Variants in KMT2C observed in about 807,000 individuals in gnomAD.
The protein encoded by KMT2C is histone-lysine N-methyltransferase 2C.
A neutral mutation model predicts 507.9 loss-of-function variants in KMT2C; 88 were observed. The ratio of observed to expected loss-of-function variants is 0.17; its 90% CI spans 0.15 to 0.21. The LOEUF (loss-of-function observed/expected upper bound fraction) is 0.21, where lower values mean the gene tolerates loss of function less well. Among genes scored for constraint, KMT2C ranks in the 10% least tolerant of loss-of-function variants. KMT2C has a pLI of 1.00. For synonymous variants in KMT2C, 2,049 were observed against 2,080.8 expected (o/e 0.98, Z 0.42); for missense variants, 4,954 against 5,957.8 (o/e 0.83, Z 5.55).
intron 6 of KMT2C, among the ~76,000 whole-genome samples, chr7:152,308,760 GAA>G (rs996192637): frequency 6.7e-5 from 10 of 150,010 alleles, no homozygotes; most frequent in Admixed American, 3.3e-4. Context: ...GCCAAGAAGA[GAA>G]GAGAGGATCC....
chr7:152,180,068 C>T lies in KMT2C; in HGVS notation c.7208G>A (p.Arg2403Gln), dbSNP rs761384148. 1.9e-6 allele frequency: 3 copies of T among 1,614,056 alleles called. No individual in the cohort carries two copies. Among genetic ancestry groups the T allele is most frequent in the Middle Eastern group, 1.6e-4 (1 of 6,082 alleles). ...QQQQQKKIAG[R>Q]QEKGSQDSPA... Reference sequence around the variant, plus strand: ...TGAGTCCTGTGACCCCTTCTCCTGTCGACCTGCAATCTTCTTCTGCTGTTG... The same window carrying T: ...TGAGTCCTGTGACCCCTTCTCCTGTTGACCTGCAATCTTCTTCTGCTGTTG... Residue 2403 changes from arginine to glutamine, a missense_variant, in exon 37 of 59, where the codon CGA (arginine) becomes CAA (glutamine). Arg to Gln is a conservative substitution (Grantham distance 43). Transcript: ENST00000262189.
At chr7:152,355,580 C>A (rs1028251717) in intron 2 of KMT2C, among the ~76,000 whole-genome samples, 28 of 150,898 alleles carry the variant, frequency 1.9e-4, no homozygotes, top group African/African-American at 2.4e-4. Context: ...CAAAAAAAAA[C>A]CAAGACAATG....
chr7:152,210,079 C>T (rs1053688556), intron 23 of KMT2C, among the ~76,000 whole-genome samples: 5 of 152,096 alleles, frequency 3.3e-5, no homozygotes, highest in Non-Finnish European at 7.4e-5. Flanking sequence ...AAAATATGGG[C>T]ATACTAAATG....
rs1034844448 is a variant in KMT2C, at chr7:152,210,817, G to C, written c.3713-3389C>G. On this transcript the variant is annotated intron_variant, in intron 23 of 58. Coordinates refer to ENST00000262189, the MANE Select transcript of KMT2C (RefSeq NM_170606.3). ...GATGCTACAAAAGAAACATTCAAAG[G>C]GAGGAAAGAAAGCTCTTGAAATAAC... Among the ~76,000 whole-genome samples the C allele has an allele frequency of 4.6e-5, 7 of 152,054 alleles. No homozygotes were observed. In the South Asian group the frequency reaches 1.0e-3, roughly 23 times the overall value.
rs746562454 is a variant in KMT2C, at chr7:152,163,074, G to C, written c.10503C>G (p.Phe3501Leu). The C allele has an allele frequency of 6.2e-7, 1 of 1,614,252 alleles. No individual in the cohort carries two copies. Among genetic ancestry groups the C allele is most frequent in the Non-Finnish European group, 8.5e-7 (1 of 1,180,038 alleles). ...CCTGCCTTCGCTCATTAGTCTGCAT[G>C]AAAGTTTGGGTGGAGGGTGAATTAA... is the stretch of plus-strand genomic sequence containing the variant. The part of the protein sequence containing the change: ...GSINSPSTQT[F>L]MQTNERRQVG... Residue 3501 changes from phenylalanine (F) to leucine (L), a missense_variant, in exon 43 of 59, where the codon TTC becomes TTG. Physicochemically the swap from Phe to Leu is conservative, Grantham distance 22. Around this residue, in one of 29 missense-constraint regions of KMT2C, gnomAD observed 801 missense variants for 751.2 expected, o/e 1.07. Transcript: ENST00000262189.
chr7:152,284,750 G>A (rs2096269325), intron 6 of KMT2C, among the ~76,000 whole-genome samples: 1 of 151,866 alleles, frequency 6.6e-6, no homozygotes, highest in Non-Finnish European at 1.5e-5. Context: ...AAAAATGGTA[G>A]AGACAAAATA....
At position 152,152,747 on chromosome 7, in the gene KMT2C, G is replaced by T. The variant is rs201883770; in HGVS notation, c.12484C>A (p.Arg4162=). ...ANPPRLVSSY[R]LKQPNVPFPP... ...AATGGTACATTAGGCTGCTTCAGCC[G>T]GTAAGAGCTCACTAATCTGGGAGGG... is the stretch of plus-strand genomic sequence containing the variant. The change falls in exon 49 of 59, where the codon CGG becomes AGG. Residue 4162 remains arginine, a synonymous_variant. Coordinates refer to ENST00000262189, the MANE Select transcript of KMT2C (RefSeq NM_170606.3). The T allele has an allele frequency of 1.1e-5, 17 of 1,614,042 alleles. No homozygotes were observed. The highest frequency in any genetic ancestry group is 1.3e-5 in the African/African-American group (1 of 74,896).
At chr7:152,275,056 C>T (rs1007155239) in intron 6 of KMT2C, among the ~76,000 whole-genome samples, 6 of 152,200 alleles carry the variant, frequency 3.9e-5, no homozygotes, top group African/African-American at 1.4e-4. Context: ...CATGTTACTA[C>T]ACTGACTTTA....
intron 9 of KMT2C, among the ~76,000 whole-genome samples, chr7:152,254,233 C>A (rs1588621234): frequency 1.3e-5 from 2 of 151,906 alleles, no homozygotes; most frequent in East Asian, 1.9e-4. Flanking sequence ...CTGGGCAACA[C>A]ACAGAGACCC....
chr7:152,215,375 G>A (rs1366390697), intron 23 of KMT2C, among the ~76,000 whole-genome samples: 3 of 151,578 alleles, frequency 2.0e-5, no homozygotes, highest in Non-Finnish European at 2.9e-5. Context: ...TTAGCCGGGC[G>A]TGGTGGCAGG....
intron 42 of KMT2C, among the ~76,000 whole-genome samples, chr7:152,164,408 G>A (rs1370804886): frequency 6.6e-6 from 1 of 151,402 alleles, no homozygotes; most frequent in East Asian, 1.9e-4. Context: ...TCCTGCCTCA[G>A]CCTCCCGAGT....
intron 3 of KMT2C, among the ~76,000 whole-genome samples, chr7:152,319,176 C>T (rs1211495115): frequency 6.6e-6 from 1 of 152,056 alleles, no homozygotes; most frequent in African/African-American, 2.4e-5. Flanking sequence ...CACCCAGGTG[C>T]CGAGGCAAGA....
chr7:152,274,334 A>T (rs1235293215), intron 6 of KMT2C, among the ~76,000 whole-genome samples: 3 of 152,232 alleles, frequency 2.0e-5, no homozygotes, highest in Non-Finnish European at 4.4e-5. Context: ...TTGTAAGTTA[A>T]CAGGGACACA....
intron 3 of KMT2C, among the ~76,000 whole-genome samples, chr7:152,316,589 G>C (rs2096725088): frequency 6.6e-6 from 1 of 152,060 alleles, no homozygotes. Flanking sequence ...GGGCATTAAA[G>C]TTACCTCTAC....
chr7:152,146,178 T>C (rs1347742502), intron 53 of KMT2C, among the ~76,000 whole-genome samples: 1 of 152,002 alleles, frequency 6.6e-6, no homozygotes, highest in Non-Finnish European at 1.5e-5. Flanking sequence ...TGCGATCTAC[T>C]GCCCTCTAGT....
At chr7:152,157,539 T>C (rs1319451591) in intron 44 of KMT2C, among the ~76,000 whole-genome samples, 4 of 152,220 alleles carry the variant, frequency 2.6e-5, no homozygotes, top group Admixed American at 1.3e-4. Context: ...AAGTACATAA[T>C]AGATATTTCT....
chr7:152,301,741 G>C (rs894469653), intron 6 of KMT2C, among the ~76,000 whole-genome samples: 4 of 152,064 alleles, frequency 2.6e-5, no homozygotes, highest in Middle Eastern at 3.4e-3. Flanking sequence ...CATACTTTAA[G>C]AATTTCTAAA....
At chr7:152,367,373 C>CA in intron 1 of KMT2C, 4 of 719,234 alleles carry the variant, frequency 5.6e-6, no homozygotes, top group Non-Finnish European at 7.3e-6. Flanking sequence ...CTACCAGGGG[C>CA]ACCCCCGGCT....
In KMT2C at chr7:152,435,789, T is replaced by C; in HGVS notation, c.-3A>G. The C allele has an allele frequency of 7.2e-7, 1 of 1,383,922 alleles. No individual in the cohort carries two copies. The highest frequency in any genetic ancestry group is 3.0e-5 in the Admixed American group (1 of 33,520). The allele number at this position is 1,383,922 out of a possible 1,614,324, so 85.7% of individuals were successfully genotyped here. A position where few individuals can be genotyped will look rare whatever the true frequency, so the allele number is the denominator to read the frequency against. On this transcript the variant is annotated 5_prime_UTR_variant, in exon 1 of 59. Coordinates refer to ENST00000262189, the MANE Select transcript of KMT2C (RefSeq NM_170606.3). ...CTCTTGTCCTCCTCCGACGACATCC[T>C]AGTCACCAGGAAAGACACATGGATC...
Sources: allele counts gnomAD v4.1 joint callset (sites outside exome capture counted in the v4.1 genomes callset), GRCh38; gene constraint gnomAD v4.1.1; regional missense constraint gnomAD v4.1.1; transcripts MANE v1.5; gene names NCBI Gene and HGNC (gene_info 2026-07-23, HGNC 2026-07-21).